ERC2: variants seen among roughly 807,000 people sequenced by gnomAD.
ERC2 encodes ELKS/RAB6-interacting/CAST family member 2, also known as ERC protein 2.
A neutral mutation model predicts 114.8 loss-of-function variants in ERC2; 42 were observed. The ratio of observed to expected loss-of-function variants is 0.37; its 90% CI spans 0.29 to 0.47. The LOEUF (loss-of-function observed/expected upper bound fraction) is 0.47. Among genes scored for constraint, ERC2 ranks in the 20% least tolerant of loss-of-function variants. The pLI is 0.99. For missense variants in ERC2, 939 were observed against 1,150.7 expected, an observed-to-expected ratio of 0.82 and a Z score of 2.66; for synonymous variants, 454 against 425.5, an observed-to-expected ratio of 1.07 and a Z score of -0.82.
intron 3 of ERC2, among the ~76,000 whole-genome samples, chr3:56,258,648 C>T (rs756331854): frequency 4.6e-5 from 7 of 152,102 alleles, no homozygotes; most frequent in Admixed American, 1.3e-4. Flanking sequence ...AGCGAGACTC[C>T]GTCTCAAGAA....
chr3:55,968,638 A>G (rs1349899827), intron 12 of ERC2, among the ~76,000 whole-genome samples: 1 of 152,186 alleles, frequency 6.6e-6, no homozygotes, highest in Non-Finnish European at 1.5e-5. Context: ...GAATTATTCA[A>G]AGTATGTGAC....
At chr3:56,176,190 C>T (rs2082966619) in intron 3 of ERC2, among the ~76,000 whole-genome samples, 2 of 152,186 alleles carry the variant, frequency 1.3e-5, no homozygotes, top group South Asian at 4.1e-4. Flanking sequence ...TCAAAATCAT[C>T]TTATTAAAAG....
chr3:56,457,053 T>C (rs1284793896), intron 1 of ERC2, among the ~76,000 whole-genome samples: 1 of 152,234 alleles, frequency 6.6e-6, no homozygotes, highest in Non-Finnish European at 1.5e-5. Flanking sequence ...AATGAAACTA[T>C]TTCCATTCAT....
At chr3:56,466,154 A>G (rs2107597892) in intron 1 of ERC2, among the ~76,000 whole-genome samples, 1 of 152,366 alleles carries the variant, frequency 6.6e-6, no homozygotes, top group South Asian at 2.1e-4. Context: ...GTGCTTGCCT[A>G]TGCAATAACA....
At chr3:56,316,825 C>A (rs1576405751) in intron 2 of ERC2, among the ~76,000 whole-genome samples, 1 of 152,168 alleles carries the variant, frequency 6.6e-6, no homozygotes, top group Non-Finnish European at 1.5e-5. Flanking sequence ...ATAACACAAT[C>A]TCTTATTATA....
chr3:56,214,075 T>A (rs2150130172), intron 3 of ERC2, among the ~76,000 whole-genome samples: 1 of 152,214 alleles, frequency 6.6e-6, no homozygotes, highest in South Asian at 2.1e-4. Context: ...AGAAAAACTG[T>A]AAATTCTAAA....
At chr3:55,849,043 C>T (rs2061472946) in intron 14 of ERC2, among the ~76,000 whole-genome samples, 1 of 152,088 alleles carries the variant, frequency 6.6e-6, no homozygotes. Context: ...CTGCCATCTG[C>T]CAGGCTCTAT....
intron 14 of ERC2, among the ~76,000 whole-genome samples, chr3:55,861,202 A>G (rs1164287514): frequency 6.6e-6 from 1 of 152,166 alleles, no homozygotes; most frequent in Non-Finnish European, 1.5e-5. Context: ...TTTCTGTGCT[A>G]TTTGGAAACT....
At chr3:55,845,279 C>A (rs562055020) in intron 14 of ERC2, among the ~76,000 whole-genome samples, 4 of 151,970 alleles carry the variant, frequency 2.6e-5, no homozygotes, top group South Asian at 2.1e-4. Context: ...CCGAGGCGGG[C>A]GGATCACGAG....
chr3:56,338,275 G>A (rs1388249078), intron 2 of ERC2, among the ~76,000 whole-genome samples: 1 of 152,128 alleles, frequency 6.6e-6, no homozygotes, highest in Non-Finnish European at 1.5e-5. Context: ...TTTATGTTTT[G>A]TATACTTCCT....
At chr3:55,756,018 A>C (rs2067035814) in intron 14 of ERC2, among the ~76,000 whole-genome samples, 1 of 152,150 alleles carries the variant, frequency 6.6e-6, no homozygotes, top group East Asian at 1.9e-4. Context: ...GACACAGAAC[A>C]GGTAATGAAA....
intron 11 of ERC2, among the ~76,000 whole-genome samples, chr3:55,986,915 T>C (rs989599958): frequency 6.6e-6 from 1 of 152,020 alleles, no homozygotes; most frequent in Non-Finnish European, 1.5e-5. Context: ...AAAAACAAAG[T>C]GGATAAACAA....
At chr3:55,844,219 T>G (rs927315603) in intron 14 of ERC2, among the ~76,000 whole-genome samples, 2 of 152,144 alleles carry the variant, frequency 1.3e-5, no homozygotes, top group Non-Finnish European at 1.5e-5. Flanking sequence ...ATATCTGCAA[T>G]AGAAATGTAG....
chr3:56,442,311 C>A (rs1413403008), intron 1 of ERC2, among the ~76,000 whole-genome samples: 2 of 152,192 alleles, frequency 1.3e-5, no homozygotes, highest in Non-Finnish European at 2.9e-5. Context: ...ATCTCTGTCT[C>A]CCAGGCTCAA....
At chr3:56,023,458 T>C (rs1165586076) in intron 7 of ERC2, among the ~76,000 whole-genome samples, 1 of 152,096 alleles carries the variant, frequency 6.6e-6, no homozygotes, top group Non-Finnish European at 1.5e-5. Context: ...TCTTTGCCTA[T>C]CTATTTCCTT....
At chr3:56,211,664 C>T (rs1018929844) in intron 3 of ERC2, among the ~76,000 whole-genome samples, 1 of 151,922 alleles carries the variant, frequency 6.6e-6, no homozygotes, top group East Asian at 1.9e-4. Context: ...GCAAAAAGAA[C>T]AAATCCGTAG....
intron 17 of ERC2, among the ~76,000 whole-genome samples, chr3:55,592,617 C>T (rs1261367937): frequency 6.6e-6 from 1 of 152,124 alleles, no homozygotes; most frequent in East Asian, 1.9e-4. Context: ...AGCTTCTTGT[C>T]TACAATGACG....
At chr3:56,026,594 A>G (rs2074066924) in intron 7 of ERC2, among the ~76,000 whole-genome samples, 1 of 152,194 alleles carries the variant, frequency 6.6e-6, no homozygotes, top group African/African-American at 2.4e-5. Context: ...CAAGCCAGGC[A>G]CTGTACTAAA....
At chr3:56,260,728 T>A (rs1354221685) in intron 3 of ERC2, among the ~76,000 whole-genome samples, 1 of 152,236 alleles carries the variant, frequency 6.6e-6, no homozygotes, top group Non-Finnish European at 1.5e-5. Context: ...GTCCAACCCA[T>A]GTTCCACTCC....
Sources: gnomAD v4.1 joint callset for allele counts (sites outside exome capture counted in the v4.1 genomes callset) on GRCh38, gnomAD v4.1.1 for gene constraint, MANE v1.5 for transcripts, NCBI Gene and HGNC (gene_info 2026-07-23, HGNC 2026-07-21) for gene names.